Variants in CHRM3 observed in about 807,000 individuals in gnomAD.
The protein encoded by CHRM3 is muscarinic acetylcholine receptor M3.
CHRM3 carries 11 observed loss-of-function variants against 41.8 expected under a neutral mutation model. The ratio of observed to expected loss-of-function variants is 0.26; its 90% CI spans 0.17 to 0.44. The LOEUF (loss-of-function observed/expected upper bound fraction) is 0.44. Among genes scored for constraint, CHRM3 ranks in the 20% least tolerant of loss-of-function variants. The pLI is 1.00. For missense variants in CHRM3, 571 were observed against 745.4 expected, an observed-to-expected ratio of 0.77 and a Z score of 2.72; for synonymous variants, 297 against 301.4, an observed-to-expected ratio of 0.99 and a Z score of 0.15.
At chr1:239,889,575 G>A (rs524878) in intron 6 of CHRM3, among the ~76,000 whole-genome samples, 74,292 of 151,948 alleles carry the variant, frequency 0.49, 20,131 homozygotes, top group East Asian at 0.64. Context: ...TTCTTGGGCC[G>A]CTTTTTGTTG....
At chr1:239,711,847 C>G (rs1217210454) in intron 5 of CHRM3, among the ~76,000 whole-genome samples, 6 of 152,090 alleles carry the variant, frequency 3.9e-5, no homozygotes. Context: ...CACCACCATA[C>G]TCTGCTAACT....
At chr1:239,581,686 G>A (rs555886105) in intron 3 of CHRM3, among the ~76,000 whole-genome samples, 50 of 152,224 alleles carry the variant, frequency 3.3e-4, no homozygotes, top group African/African-American at 1.1e-3. Flanking sequence ...CTTATTTAAT[G>A]CTTACAATCA....
intron 6 of CHRM3, among the ~76,000 whole-genome samples, chr1:239,832,275 GA>G (rs375980886): frequency 1.3e-5 from 2 of 150,222 alleles, no homozygotes; most frequent in African/African-American, 2.5e-5. Context: ...GTCAAGCTGA[GA>G]AAAAAAAACA....
At chr1:239,534,787 A>T (rs1304574134) in intron 2 of CHRM3, among the ~76,000 whole-genome samples, 2 of 152,230 alleles carry the variant, frequency 1.3e-5, no homozygotes, top group South Asian at 4.1e-4. Context: ...TACTTGGTTC[A>T]CATAAGACCA....
In CHRM3 at chr1:239,539,559, T is replaced by A. The variant is rs145090333; in HGVS notation, c.-421-6082T>A. 2.0e-5 allele frequency among the ~76,000 whole-genome samples: 3 copies of A among 152,328 alleles called. No individual in the cohort carries two copies. The East Asian group carries it at 5.8e-4, about 29-fold the overall frequency. ...TTCTGTACAGTCATGCACTGTGAAA[T>A]GATGTTTTGGTCAACGATGGACCAC... On this transcript the variant is annotated intron_variant, in intron 2 of 6. Transcript: ENST00000676153.
rs1173536206 is a variant in CHRM3 at position 239,908,160 on chromosome 1, A to G, written c.709A>G (p.Ile237Val). 1 of 1,614,158 alleles carries G rather than the reference A, an allele frequency of 6.2e-7. No individual in the cohort carries two copies. The highest frequency in any genetic ancestry group is 1.1e-5 in the South Asian group (1 of 91,082). ...SEPTITFGTA[I>V]AAFYMPVTIM... ...GCCCACCATTACTTTTGGCACAGCC[A>G]TCGCTGCTTTTTATATGCCTGTCAC... Residue 237 changes from isoleucine to valine, a missense_variant, in exon 7 of 7, where the codon ATC becomes GTC. Ile to Val is a conservative substitution (Grantham distance 29). This residue lies in a region of CHRM3 where 153 missense variants were observed against 296.3 expected (regional missense o/e 0.52). Transcript: ENST00000676153. The surrounding 1 kb of genome is among the most constrained non-coding windows in gnomAD (Gnocchi z 7.2).
chr1:239,875,376 A>G (rs1407261718), intron 6 of CHRM3, among the ~76,000 whole-genome samples: 1 of 152,242 alleles, frequency 6.6e-6, no homozygotes, highest in East Asian at 1.9e-4. Flanking sequence ...AAAGACAACC[A>G]CAGACAACAC....
At chr1:239,734,318 G>A (rs549131510) in intron 5 of CHRM3, among the ~76,000 whole-genome samples, 1 of 152,174 alleles carries the variant, frequency 6.6e-6, no homozygotes, top group South Asian at 2.1e-4. Context: ...ATGTCGAAAG[G>A]ACTCAGAGCC....
chr1:239,821,248 A>C (rs1242644074), intron 5 of CHRM3, among the ~76,000 whole-genome samples: 1 of 152,242 alleles, frequency 6.6e-6, no homozygotes, highest in African/African-American at 2.4e-5. Context: ...GAAGCTATTG[A>C]GTCTCTAATG....
chr1:239,867,207 A>G (rs1240903006), intron 6 of CHRM3, among the ~76,000 whole-genome samples: 1 of 152,238 alleles, frequency 6.6e-6, no homozygotes, highest in African/African-American at 2.4e-5. Flanking sequence ...AATAGAATAT[A>G]AATTATTTTC....
chr1:239,837,060 C>T (rs1421622672), intron 6 of CHRM3, among the ~76,000 whole-genome samples: 1 of 151,548 alleles, frequency 6.6e-6, no homozygotes, highest in East Asian at 1.9e-4. Flanking sequence ...TTCCTATGAT[C>T]AGTAATGCAT....
At chr1:239,818,515 C>G (rs148672412) in intron 5 of CHRM3, among the ~76,000 whole-genome samples, 1 of 152,166 alleles carries the variant, frequency 6.6e-6, no homozygotes, top group Non-Finnish European at 1.5e-5. Context: ...ATCTTGGAGT[C>G]CTGCTCTCAG....
At chr1:239,717,304 A>G (rs1241427839) in intron 5 of CHRM3, among the ~76,000 whole-genome samples, 1 of 152,138 alleles carries the variant, frequency 6.6e-6, no homozygotes, top group East Asian at 1.9e-4. Flanking sequence ...CCAGGAAAGC[A>G]TAGAATAGAT....
At chr1:239,775,334 T>A (rs1668007218) in intron 5 of CHRM3, among the ~76,000 whole-genome samples, 1 of 152,206 alleles carries the variant, frequency 6.6e-6, no homozygotes, top group African/African-American at 2.4e-5. Flanking sequence ...TTTAGCTTTT[T>A]AAGAGGTACA....
chr1:239,554,407 A>G (rs113257529), intron 3 of CHRM3, among the ~76,000 whole-genome samples: 13 of 152,182 alleles, frequency 8.5e-5, no homozygotes, highest in African/African-American at 2.9e-4. Flanking sequence ...ATTTCTAGGT[A>G]GCTGTTAGAG....
chr1:239,709,245 C>A (rs1182683667), intron 5 of CHRM3, among the ~76,000 whole-genome samples: 1 of 152,166 alleles, frequency 6.6e-6, no homozygotes, highest in Non-Finnish European at 1.5e-5. Flanking sequence ...AGCTTGTTTG[C>A]CACCCCAAGT....
chr1:239,529,640 C>G (rs892865268), intron 2 of CHRM3, among the ~76,000 whole-genome samples: 14 of 123,886 alleles, frequency 1.1e-4, no homozygotes, highest in Non-Finnish European at 2.1e-4. Context: ...AACAAACAAA[C>G]AACAACAATA....
At chr1:239,621,878 G>A (rs77122817) in intron 3 of CHRM3, among the ~76,000 whole-genome samples, 2,779 of 112,864 alleles carry the variant, frequency 0.025, 37 homozygotes, top group Middle Eastern at 0.046. Flanking sequence ...GCCTTCTGCT[G>A]GAAGAAGATG....
chr1:239,420,786 C>T (rs992112739), intron 1 of CHRM3, among the ~76,000 whole-genome samples: 7 of 152,006 alleles, frequency 4.6e-5, no homozygotes, highest in Admixed American at 4.6e-4. Flanking sequence ...TCTTTTACCT[C>T]AGTATATTTT....
Sources: gnomAD v4.1 joint callset for allele counts (sites outside exome capture counted in the v4.1 genomes callset) on GRCh38, gnomAD v4.1.1 for gene constraint, gnomAD v4.1.1 regional missense constraint, Gnocchi (gnomAD v3.1) non-coding constraint, MANE v1.5 for transcripts, NCBI Gene and HGNC (gene_info 2026-07-23, HGNC 2026-07-21) for gene names.